The following CCDC171 variants were observed in gnomAD, a reference collection of about 807,000 sequenced individuals.
The protein encoded by CCDC171 is coiled-coil domain containing 171.
In CCDC171, 177 loss-of-function variants were observed where a neutral mutation model predicts 168.2. The observed-to-expected ratio is 1.05, with a 90% CI of 0.93 to 1.19. CCDC171 has a LOEUF of 1.19. Ranked by LOEUF, CCDC171 falls within the 50% of genes most tolerant of loss-of-function variation. The pLI is 0.00. For synonymous variants in CCDC171, 687 were observed against 540.8 expected (o/e 1.27, Z -3.75); for missense variants, 1,991 against 1,539.0 (o/e 1.29, Z -4.91).
At chr9:16,047,059 T>G (rs911065195) in intron 1 of CCDC171, among the ~76,000 whole-genome samples, 1 of 152,190 alleles carries the variant, frequency 6.6e-6, no homozygotes, top group East Asian at 1.9e-4. Context: ...ACTTATTTCA[T>G]CACTTACCAC....
downstream of CCDC171, among the ~76,000 whole-genome samples, chr9:15,975,864 G>A (rs1384866637): frequency 6.6e-6 from 1 of 152,182 alleles, no homozygotes; most frequent in Non-Finnish European, 1.5e-5. Flanking sequence ...CTTTGCAGGG[G>A]TGATTAAGTT....
At chr9:15,634,195 G>A (rs3119698) in intron 7 of CCDC171, among the ~76,000 whole-genome samples, 152,287 of 152,294 alleles carry the variant, frequency 1, 76,140 homozygotes, top group Middle Eastern at 1. Flanking sequence ...AAAGAAAGCA[G>A]AACCCAAACA....
intron 4 of CCDC171, among the ~76,000 whole-genome samples, chr9:15,582,018 T>C (rs1432925191): frequency 1.3e-5 from 2 of 152,158 alleles, no homozygotes; most frequent in African/African-American, 4.8e-5. Context: ...GAGAAAACTT[T>C]TGCAATCTAT....
intron 1 of CCDC171, among the ~76,000 whole-genome samples, chr9:16,059,700 G>C (rs1833902382): frequency 6.7e-6 from 1 of 150,132 alleles, no homozygotes; most frequent in South Asian, 2.1e-4. Context: ...ATTTTTAGTA[G>C]AGACGGGGTT....
chr9:15,960,221 TATAATTTAAG>T (rs749853661), intron 25 of CCDC171, among the ~76,000 whole-genome samples: 2 of 152,158 alleles, frequency 1.3e-5, no homozygotes, highest in Non-Finnish European at 2.9e-5. Flanking sequence ...TTCAACAGAT[TATAATTTAAG>T]AAGAACTGGA....
chr9:15,625,016 G>A (rs2044934212), intron 7 of CCDC171, among the ~76,000 whole-genome samples: 3 of 152,248 alleles, frequency 2.0e-5, no homozygotes, highest in South Asian at 2.1e-4. Context: ...TCTAACTGGT[G>A]TTAAGATGGT....
At chr9:15,666,115 T>C (rs747492779) in intron 8 of CCDC171, 48 bp from the exon 9 acceptor site, 3 of 1,539,072 alleles carry the variant, frequency 1.9e-6, no homozygotes, top group Admixed American at 1.7e-5. Context: ...TTAAGATTGA[T>C]GCTAGCATTT....
intron 13 of CCDC171, among the ~76,000 whole-genome samples, chr9:15,724,007 A>C (rs1163941492): frequency 6.6e-6 from 1 of 152,188 alleles, no homozygotes; most frequent in Non-Finnish European, 1.5e-5. Flanking sequence ...ACCTTATGAG[A>C]TTCAAATAAT....
intron 24 of CCDC171, chr9:15,889,126 T>C (rs1294247410): frequency 6.6e-6 from 1 of 151,622 alleles, no homozygotes; most frequent in African/African-American, 2.4e-5. Context: ...ACCTGGCTAA[T>C]TTTTGTATTT....
chr9:15,724,931 A>T lies in CCDC171; in HGVS notation c.1647A>T (p.Glu549Asp). ...EKEKAQAAQS[E>D]SELQKLSQAF... ...AAAAGGCTCAGGCAGCCCAGTCTGAAAGTGAACTGCAGAAGCTTTCCCAGG... is the reference window on the plus strand; with the variant it reads ...AAAAGGCTCAGGCAGCCCAGTCTGATAGTGAACTGCAGAAGCTTTCCCAGG... The change falls in exon 14 of 26, where the codon GAA (glutamate) becomes GAT (aspartate). Residue 549 changes from glutamate (E) to aspartate (D), a missense_variant. Physicochemically the swap from Glu to Asp is conservative, Grantham distance 45. Transcript: ENST00000380701. 1 of 1,613,970 alleles carries T rather than the reference A, an allele frequency of 6.2e-7. No homozygotes were observed. Among genetic ancestry groups the T allele is most frequent in the Non-Finnish European group, 8.5e-7 (1 of 1,179,886 alleles).
intron 23 of CCDC171, among the ~76,000 whole-genome samples, chr9:15,855,975 C>G (rs144271875): frequency 2.0e-5 from 3 of 151,860 alleles, no homozygotes; most frequent in African/African-American, 7.3e-5. Flanking sequence ...TTAATACTGA[C>G]TTTTATATTT....
At chr9:15,579,186 G>C (rs1449538913) in intron 4 of CCDC171, among the ~76,000 whole-genome samples, 163 bp downstream of exon 4, 1 of 152,110 alleles carries the variant, frequency 6.6e-6, no homozygotes, top group Non-Finnish European at 1.5e-5. Flanking sequence ...AAAGTCTTCT[G>C]GCAATTTTGT....
At chr9:15,795,966 C>G (rs538831174) in intron 21 of CCDC171, among the ~76,000 whole-genome samples, 1 of 152,278 alleles carries the variant, frequency 6.6e-6, no homozygotes, top group Admixed American at 6.5e-5. Context: ...GTTTCTGCAT[C>G]TCAAAGAATA....
the CCDC171 span, among the ~76,000 whole-genome samples, chr9:16,084,047 T>C: frequency 1.4e-4 from 21 of 152,194 alleles, no homozygotes; most frequent in Non-Finnish European, 3.1e-4. Context: ...TTACAGAATA[T>C]CCCATTGAGT....
chr9:15,856,569 G>A (rs1035330353), intron 23 of CCDC171, among the ~76,000 whole-genome samples: 3 of 151,780 alleles, frequency 2.0e-5, no homozygotes, highest in South Asian at 2.1e-4. Context: ...ATATTTTATT[G>A]TATGTTTATA....
chr9:15,985,993 T>G (rs1831973900), intron 3 of CCDC171, among the ~76,000 whole-genome samples: 1 of 152,204 alleles, frequency 6.6e-6, no homozygotes, highest in African/African-American at 2.4e-5. Context: ...TGTACTTGGT[T>G]GAAAGGCACA....
At chr9:16,055,616 C>T (rs564156305) in intron 1 of CCDC171, among the ~76,000 whole-genome samples, 23 of 152,326 alleles carry the variant, frequency 1.5e-4, no homozygotes, top group Admixed American at 8.5e-4. Context: ...AATCCTTCTG[C>T]GTTAGCTTTT....
At chr9:15,618,158 G>A (rs1431677403) in intron 6 of CCDC171, among the ~76,000 whole-genome samples, 1 of 152,164 alleles carries the variant, frequency 6.6e-6, no homozygotes, top group Non-Finnish European at 1.5e-5. Context: ...GTCCTACCAG[G>A]ATGAGAGTTT....
At chr9:15,970,691 A>G (rs891408603) in intron 25 of CCDC171, among the ~76,000 whole-genome samples, 3 of 152,272 alleles carry the variant, frequency 2.0e-5, no homozygotes, top group African/African-American at 7.2e-5. Flanking sequence ...TGGCATTTTT[A>G]ATTTCCAACA....
Sources: allele counts gnomAD v4.1 joint callset (sites outside exome capture counted in the v4.1 genomes callset), GRCh38; gene constraint gnomAD v4.1.1; transcripts MANE v1.5; gene names NCBI Gene and HGNC (gene_info 2026-07-23, HGNC 2026-07-21).